The following RTN1 variants were observed in gnomAD, a reference collection of about 807,000 sequenced individuals.
RTN1 encodes reticulon-1.
Under a neutral mutation model 65.5 loss-of-function variants are expected in RTN1, and 25 were observed. That is an observed-to-expected ratio of 0.38 (90% confidence interval 0.28 to 0.53). The LOEUF is 0.53. Ranked by LOEUF, RTN1 falls within the 20% of genes least tolerant of loss-of-function variation. RTN1 has a pLI of 0.79. For missense variants in RTN1, 983 were observed against 1,025.4 expected, an observed-to-expected ratio of 0.96 and a Z score of 0.57; for synonymous variants, 471 against 447.6, an observed-to-expected ratio of 1.05 and a Z score of -0.66.
At chr14:59,685,293 C>A (rs180913465) in intron 3 of RTN1, among the ~76,000 whole-genome samples, 1 of 152,202 alleles carries the variant, frequency 6.6e-6, no homozygotes, top group African/African-American at 2.4e-5. Context: ...TTCTGTTCAA[C>A]ACAGTACTAG....
chr14:59,740,997 TA>T (rs1885105492), intron 2 of RTN1, among the ~76,000 whole-genome samples: 1 of 152,096 alleles, frequency 6.6e-6, no homozygotes, highest in Non-Finnish European at 1.5e-5. Flanking sequence ...TTGAGAGGAA[TA>T]AAAGGAAAGG....
chr14:59,800,902 A>C (rs1488793853), intron 1 of RTN1, among the ~76,000 whole-genome samples: 2 of 152,108 alleles, frequency 1.3e-5, no homozygotes, highest in African/African-American at 2.4e-5. Flanking sequence ...AGGAGTAAAA[A>C]ATTTTTTTAA....
intron 1 of RTN1, among the ~76,000 whole-genome samples, chr14:59,841,913 G>A (rs1031542730): frequency 2.0e-5 from 3 of 152,026 alleles, no homozygotes; most frequent in Admixed American, 6.5e-5. Context: ...GATCACCTGA[G>A]GTCAGGAGTT....
intron 3 of RTN1, among the ~76,000 whole-genome samples, chr14:59,660,441 TTC>T (rs904992922): frequency 1.1e-4 from 17 of 152,194 alleles, no homozygotes; most frequent in African/African-American, 4.1e-4. Flanking sequence ...ATATACATTT[TTC>T]TCTGTACCAC....
chr14:59,772,675 G>A (rs1414582429), intron 1 of RTN1, among the ~76,000 whole-genome samples: 1 of 152,024 alleles, frequency 6.6e-6, no homozygotes, highest in African/African-American at 2.4e-5. Context: ...GGAGAGCCTG[G>A]GCTGTAGAAA....
At chr14:59,705,741 A>G (rs143267907) in intron 3 of RTN1, among the ~76,000 whole-genome samples, 145 of 152,306 alleles carry the variant, frequency 9.5e-4, no homozygotes, top group Admixed American at 3.5e-3. Flanking sequence ...ATAACACTTT[A>G]TTACACCTAT....
chr14:59,609,815 T>A (rs1475768514), intron 3 of RTN1, among the ~76,000 whole-genome samples: 2 of 152,194 alleles, frequency 1.3e-5, no homozygotes, highest in Non-Finnish European at 2.9e-5. Context: ...AGGAACTAAG[T>A]GCCAGGCTTT....
chr14:59,639,587 CAG>C (rs1248449985), intron 3 of RTN1, among the ~76,000 whole-genome samples: 1 of 152,118 alleles, frequency 6.6e-6, no homozygotes, highest in Non-Finnish European at 1.5e-5. Context: ...GAAGTGGTAA[CAG>C]ATTATTCTTT....
intron 1 of RTN1, among the ~76,000 whole-genome samples, chr14:59,800,462 A>G (rs574315568): frequency 6.6e-6 from 1 of 152,250 alleles, no homozygotes; most frequent in East Asian, 1.9e-4. Context: ...GGGCAGTGGC[A>G]CGATCTCGGC....
chr14:59,722,517 A>T (rs1420773967), intron 3 of RTN1, among the ~76,000 whole-genome samples: 1 of 152,218 alleles, frequency 6.6e-6, no homozygotes, highest in Non-Finnish European at 1.5e-5. Flanking sequence ...AGGAGAACCA[A>T]GAAAGAGAAA....
chr14:59,669,794 G>A (rs1883463290), intron 3 of RTN1, among the ~76,000 whole-genome samples: 1 of 152,028 alleles, frequency 6.6e-6, no homozygotes, highest in African/African-American at 2.4e-5. Context: ...GGTTCACACT[G>A]CCGATGAGTG....
chr14:59,727,356 GAGGGCGGCGGGCCGCCCA>G lies in RTN1; in HGVS notation c.1310_1327del (p.Val437_Ser443delinsAla), dbSNP rs776240328. The G allele has an allele frequency of 3.3e-6, 5 of 1,508,806 alleles. No individual in the cohort carries two copies. In the African/African-American group the frequency reaches 6.9e-5, roughly 21 times the overall value. The allele number at this position is 1,508,806 out of a possible 1,614,324, so 93.5% of individuals were successfully genotyped here. On this transcript the variant is annotated inframe_deletion, in exon 3 of 9. Transcript: ENST00000267484. The surrounding 1 kb of genome is among the most constrained non-coding windows in gnomAD (Gnocchi z 4.2). ...GTACTGGATGGATGGCGAGGCGGGC[GAGGGCGGCGGGCCGCCCA>G]CGTGGCCAAAGCTCACATAGCCTGA...
chr14:59,800,825 G>A (rs1229998549), intron 1 of RTN1, among the ~76,000 whole-genome samples: 3 of 151,760 alleles, frequency 2.0e-5, no homozygotes, highest in Non-Finnish European at 2.9e-5. Context: ...AAATAACTAC[G>A]ATTAATATAA....
Position 59,731,692 on chromosome 14 carries a change from C to T in RTN1, c.1016-4024G>A, listed in dbSNP as rs547987976. 5.3e-5 allele frequency among the ~76,000 whole-genome samples: 8 copies of T among 152,248 alleles called. No homozygotes were observed. In the East Asian group the frequency reaches 5.8e-4, roughly 11 times the overall value. ...CTCAGTTCACTGGCAACTTCCCAAT[C>T]GTTTTTGAGTTCTCATCTTATTTGT... On this transcript the variant is annotated intron_variant, in intron 2 of 8. Transcript: ENST00000267484.
At chr14:59,813,513 A>C (rs1430564283) in intron 1 of RTN1, among the ~76,000 whole-genome samples, 1 of 152,206 alleles carries the variant, frequency 6.6e-6, no homozygotes, top group Admixed American at 6.5e-5. Context: ...CCATTTGAAT[A>C]CGTGTATCTT....
At chr14:59,677,895 C>G (rs1032641435) in intron 3 of RTN1, among the ~76,000 whole-genome samples, 1 of 152,178 alleles carries the variant, frequency 6.6e-6, no homozygotes, top group Non-Finnish European at 1.5e-5. Flanking sequence ...AATTTCCTAG[C>G]AAACCACATG....
intron 3 of RTN1, among the ~76,000 whole-genome samples, chr14:59,663,010 C>T (rs1245627115): frequency 6.6e-6 from 1 of 152,178 alleles, no homozygotes; most frequent in African/African-American, 2.4e-5. Flanking sequence ...TACCTGACTT[C>T]AAACTATACT....
At chr14:59,797,917 C>G (rs991297738) in intron 1 of RTN1, among the ~76,000 whole-genome samples, 2 of 152,084 alleles carry the variant, frequency 1.3e-5, no homozygotes, top group African/African-American at 4.8e-5. Flanking sequence ...TAGTCAAATA[C>G]GAGTTTAGTT....
chr14:59,663,780 C>A (rs1057350496), intron 3 of RTN1, among the ~76,000 whole-genome samples: 7 of 152,124 alleles, frequency 4.6e-5, no homozygotes, highest in African/African-American at 1.4e-4. Context: ...CAATGAGATA[C>A]CATCTCATGC....
Sources: gnomAD v4.1 joint callset for allele counts (sites outside exome capture counted in the v4.1 genomes callset) on GRCh38, gnomAD v4.1.1 for gene constraint, Gnocchi (gnomAD v3.1) non-coding constraint, MANE v1.5 for transcripts, NCBI Gene and HGNC (gene_info 2026-07-23, HGNC 2026-07-21) for gene names.